The following ZNF536 variants were observed in gnomAD, a reference collection of about 807,000 sequenced individuals.
ZNF536 encodes the protein zinc finger protein 536.
A neutral mutation model predicts 84.5 loss-of-function variants in ZNF536; 13 were observed. That is an observed-to-expected ratio of 0.15 (90% CI 0.10 to 0.24). ZNF536 has a LOEUF of 0.24. Ranked by LOEUF, ZNF536 falls within the 10% of genes least tolerant of loss-of-function variation. The probability of loss-of-function intolerance (pLI) is 1.00; values close to 1 mark genes in which losing one functional copy is unlikely to be tolerated. For missense variants in ZNF536, 1,536 were observed against 1,747.5 expected (o/e 0.88, Z 2.16); for synonymous variants, 811 against 742.5 (o/e 1.09, Z -1.50).
intron 2 of ZNF536, among the ~76,000 whole-genome samples, chr19:30,480,318 C>G (rs1465417581): frequency 6.6e-6 from 1 of 152,228 alleles, no homozygotes; most frequent in Non-Finnish European, 1.5e-5. Flanking sequence ...TTCTCCTCTT[C>G]TCCTTCCCCA....
chr19:30,383,082 G>T (rs765734846), intron 1 of ZNF536, among the ~76,000 whole-genome samples: 7 of 152,142 alleles, frequency 4.6e-5, no homozygotes, highest in Non-Finnish European at 7.3e-5. Flanking sequence ...CTGAGGTCGG[G>T]AGTTCGAGAC....
chr19:30,510,834 A>C (rs1260743278), intron 2 of ZNF536, among the ~76,000 whole-genome samples: 4 of 152,190 alleles, frequency 2.6e-5, no homozygotes, highest in African/African-American at 9.6e-5. Context: ...CCGTCACATC[A>C]GAAGAGTGAC....
intron 1 of ZNF536, among the ~76,000 whole-genome samples, chr19:30,573,418 C>T (rs1378608633): frequency 6.6e-6 from 1 of 152,182 alleles, no homozygotes; most frequent in Non-Finnish European, 1.5e-5. Flanking sequence ...TCTGATGTGT[C>T]TTTTGAGGCT....
At chr19:30,573,044 A>G (rs1426061642) in intron 1 of ZNF536, among the ~76,000 whole-genome samples, 4 of 152,188 alleles carry the variant, frequency 2.6e-5, no homozygotes, top group African/African-American at 9.7e-5. Context: ...AGGGGGGCAC[A>G]TATTCTAAGG....
At chr19:30,415,379 TCTC>T (rs1298987054) in intron 1 of ZNF536, among the ~76,000 whole-genome samples, 1 of 149,468 alleles carries the variant, frequency 6.7e-6, no homozygotes, top group Non-Finnish European at 1.5e-5. Context: ...TCTTCCTTCT[TCTC>T]CTTCTTCTTC....
intron 1 of ZNF536, among the ~76,000 whole-genome samples, chr19:30,623,040 G>GTTTTTTTTTTT (rs778168856): frequency 3.0e-5 from 3 of 99,286 alleles, no homozygotes; most frequent in African/African-American, 7.4e-5. Flanking sequence ...TTGTTTTTTT[G>GTTTTTTTTTTT]TTTTTTTGTT....
chr19:30,398,350 A>G (rs1019733302), intron 1 of ZNF536, among the ~76,000 whole-genome samples: 2 of 150,578 alleles, frequency 1.3e-5, no homozygotes, highest in African/African-American at 4.9e-5. Context: ...AAATGGAACC[A>G]TATGGTATAT....
intron 2 of ZNF536, among the ~76,000 whole-genome samples, chr19:30,500,288 A>G (rs74650847): frequency 0.032 from 4,901 of 150,842 alleles, 108 homozygotes; most frequent in South Asian, 0.11. Flanking sequence ...GCAGGATGCC[A>G]TGGGATGAAT....
At chr19:30,695,283 G>C (rs1228609235) in intron 1 of ZNF536, among the ~76,000 whole-genome samples, 1 of 152,134 alleles carries the variant, frequency 6.6e-6, no homozygotes, top group Non-Finnish European at 1.5e-5. Flanking sequence ...TAGCAAGGTG[G>C]GGACTCCTGT....
At chr19:30,287,832 A>C (rs1345499787) in intron 2 of ZNF536, among the ~76,000 whole-genome samples, 1 of 145,928 alleles carries the variant, frequency 6.9e-6, no homozygotes, top group Non-Finnish European at 1.5e-5. Flanking sequence ...TGGATGGATG[A>C]ATGGATGAGT....
At chr19:30,537,569 A>G (rs769031603) in intron 3 of ZNF536, among the ~76,000 whole-genome samples, 2 of 149,042 alleles carry the variant, frequency 1.3e-5, no homozygotes, top group Non-Finnish European at 1.5e-5. Flanking sequence ...CTGTCGGCCC[A>G]AGACCAGTCA....
chr19:30,573,721 T>C (rs908565829), intron 1 of ZNF536, among the ~76,000 whole-genome samples: 2 of 152,168 alleles, frequency 1.3e-5, no homozygotes, highest in African/African-American at 4.8e-5. Flanking sequence ...GGACTTTTGA[T>C]GGCCATACAC....
chr19:30,424,358 G>T (rs935791962), intron 1 of ZNF536, among the ~76,000 whole-genome samples: 2 of 152,160 alleles, frequency 1.3e-5, no homozygotes, highest in African/African-American at 4.8e-5. Flanking sequence ...TCTCTCCAGG[G>T]CAGGGCTGAC....
intron 1 of ZNF536, among the ~76,000 whole-genome samples, chr19:30,701,507 A>G (rs1422247240): frequency 2.3e-5 from 2 of 88,850 alleles, no homozygotes; most frequent in African/African-American, 7.2e-5. Flanking sequence ...AGACACAAAA[A>G]CTCACAAACA....
chr19:30,553,928 A>C (rs971320408), intron 4 of ZNF536: 5 of 152,200 alleles, frequency 3.3e-5, no homozygotes, highest in Admixed American at 6.5e-5. Context: ...CCTGGGAGGA[A>C]GTGAGGGAGA....
chr19:30,285,484 C>T (rs2145705278), intron 2 of ZNF536, among the ~76,000 whole-genome samples: 1 of 152,224 alleles, frequency 6.6e-6, no homozygotes, highest in South Asian at 2.1e-4. Flanking sequence ...CTTTCTGATG[C>T]ATAATAAGGA....
At chr19:30,704,956 T>C (rs1769579197) in intron 1 of ZNF536, among the ~76,000 whole-genome samples, 1 of 151,594 alleles carries the variant, frequency 6.6e-6, no homozygotes, top group South Asian at 2.1e-4. Context: ...CACTTGCTTA[T>C]GTTCTCTGAC....
chr19:30,335,357 A>G (rs1015928326), intron 2 of ZNF536, among the ~76,000 whole-genome samples: 7 of 152,130 alleles, frequency 4.6e-5, no homozygotes, highest in Non-Finnish European at 7.4e-5. Context: ...AATCTCGATG[A>G]TGGAAGCTGC....
At chr19:30,645,977 C>A (rs901759134) in intron 1 of ZNF536, among the ~76,000 whole-genome samples, 6 of 151,996 alleles carry the variant, frequency 3.9e-5, no homozygotes, top group Non-Finnish European at 7.4e-5. Flanking sequence ...TGGGTTGGAG[C>A]CCTGAGGACA....
Sources: gnomAD v4.1 joint callset for allele counts (sites outside exome capture counted in the v4.1 genomes callset) on GRCh38, gnomAD v4.1.1 for gene constraint, MANE v1.5 for transcripts, NCBI Gene and HGNC (gene_info 2026-07-23, HGNC 2026-07-21) for gene names.